CDC42BPB: variants seen among roughly 807,000 people sequenced by gnomAD.
The protein encoded by CDC42BPB is CDC42 binding protein kinase beta, also known as serine/threonine-protein kinase MRCK beta.
In CDC42BPB, 37 loss-of-function variants were observed where a neutral mutation model predicts 214.9. The observed-to-expected ratio is 0.17, with a 90% CI of 0.13 to 0.23. The LOEUF (loss-of-function observed/expected upper bound fraction) is 0.23, where lower values mean the gene tolerates loss of function less well. Among genes scored for constraint, CDC42BPB ranks in the 10% least tolerant of loss-of-function variants. CDC42BPB has a pLI of 1.00. For synonymous variants in CDC42BPB, 931 were observed against 884.0 expected (o/e 1.05, Z -0.94); for missense variants, 1,694 against 2,227.0 (o/e 0.76, Z 4.82).
rs771002504 is a variant in CDC42BPB at position 102,976,091 on chromosome 14, T to G, written c.1221-42A>C. The G allele has an allele frequency of 4.4e-6, 7 of 1,597,132 alleles. No homozygotes were observed. The Admixed American group carries it at 1.0e-4, about 24-fold the overall frequency. Reference sequence around the variant, plus strand: ...CAGGTTTTTTTGATCTACTGAAAATTTAGCGATTTCATTAGCATTTTCAAT... The same window carrying G: ...CAGGTTTTTTTGATCTACTGAAAATGTAGCGATTTCATTAGCATTTTCAAT... On this transcript the variant is annotated intron_variant, in intron 9 of 36. Transcript: ENST00000361246.
At chr14:102,948,063 G>GC in intron 26 of CDC42BPB, 1 of 698,642 alleles carries the variant, frequency 1.4e-6, no homozygotes. Flanking sequence ...TCCAGACTAT[G>GC]CCAGTTACAG....
chr14:103,041,842 T>C, intron 1 of CDC42BPB: 2 of 396,382 alleles, frequency 5.0e-6, no homozygotes, highest in Non-Finnish European at 9.8e-6. Context: ...CCTCACCCTC[T>C]ACCCCAGGAA....
At chr14:103,011,955 G>T in intron 2 of CDC42BPB, 142 bp downstream of exon 2, 1 of 669,390 alleles carries the variant, frequency 1.5e-6, no homozygotes, top group Non-Finnish European at 2.7e-6. Context: ...ATCTTAGAAA[G>T]AGAGAGAGGA....
chr14:103,056,986 G>A lies in CDC42BPB; in HGVS notation c.175+13C>T, dbSNP rs963859837. ...GCAGAGCCGCAGGTCCGGCCCTGCC[G>A]GCGCGCACTTACCCCACTCGAGGAA... is the stretch of plus-strand genomic sequence containing the variant. On this transcript the variant is annotated intron_variant, in intron 1 of 36. Transcript: ENST00000361246. 1.4e-6 allele frequency: 2 copies of A among 1,413,720 alleles called. No homozygotes were observed. The highest frequency in any genetic ancestry group is 9.2e-7 in the Non-Finnish European group (1 of 1,081,148). 87.6% of individuals were successfully genotyped at this position (1,413,720 alleles called of 1,614,324 possible).
intron 1 of CDC42BPB, among the ~76,000 whole-genome samples, chr14:103,027,809 A>T (rs1275534381): frequency 6.6e-6 from 1 of 152,218 alleles, no homozygotes; most frequent in African/African-American, 2.4e-5. Flanking sequence ...AAATGTGTGA[A>T]TAGAGTAAGA....
intron 36 of CDC42BPB, among the ~76,000 whole-genome samples, chr14:102,936,468 G>A (rs552016784): frequency 4.6e-5 from 7 of 152,254 alleles, no homozygotes; most frequent in Non-Finnish European, 7.4e-5. Flanking sequence ...CCACAAAACA[G>A]TATGCCAGGT....
chr14:103,054,687 CTTCT>C (rs780558854), intron 1 of CDC42BPB, among the ~76,000 whole-genome samples: 34 of 152,312 alleles, frequency 2.2e-4, no homozygotes, highest in Admixed American at 6.5e-4. Flanking sequence ...AAAACACCAC[CTTCT>C]AAGTCCATTC....
Position 102,960,031 on chromosome 14 carries a change from A to G in CDC42BPB, c.2822-321T>C, listed in dbSNP as rs561700171. Reference sequence around the variant, plus strand: ...AGACCAGCCTGGCCAACATGGTGAAATCCCATCTCTGCTAAAAATACAAAA... The same window carrying G: ...AGACCAGCCTGGCCAACATGGTGAAGTCCCATCTCTGCTAAAAATACAAAA... On this transcript the variant is annotated intron_variant, in intron 20 of 36. Transcript: ENST00000361246. Among the ~76,000 whole-genome samples, 3 of 152,022 alleles carry G rather than the reference A, an allele frequency of 2.0e-5. No individual in the cohort carries two copies. The South Asian group carries it at 6.3e-4, about 32-fold the overall frequency.
At chr14:103,014,110 A>G (rs1055598537) in intron 1 of CDC42BPB, among the ~76,000 whole-genome samples, 9 of 151,448 alleles carry the variant, frequency 5.9e-5, no homozygotes, top group East Asian at 2.0e-4. Flanking sequence ...AGCTTGCAGT[A>G]AGCCGAGATC....
At chr14:103,029,717 T>A (rs1296722625) in intron 1 of CDC42BPB, among the ~76,000 whole-genome samples, 1 of 145,594 alleles carries the variant, frequency 6.9e-6, no homozygotes, top group Admixed American at 6.8e-5. Flanking sequence ...AAATTAGCTG[T>A]GTGTGGTGGT....
At chr14:102,981,792 G>A (rs924592412) in intron 7 of CDC42BPB, among the ~76,000 whole-genome samples, 7 of 152,072 alleles carry the variant, frequency 4.6e-5, no homozygotes, top group African/African-American at 1.7e-4. Flanking sequence ...CAAAAAAGAT[G>A]GGGCACAAAG....
intron 20 of CDC42BPB, among the ~76,000 whole-genome samples, chr14:102,960,777 A>T (rs1464615507): frequency 1.3e-5 from 2 of 152,234 alleles, no homozygotes; most frequent in East Asian, 3.8e-4. Flanking sequence ...CTGGTATTGG[A>T]CAACCAGCTA....
At chr14:103,042,632 G>A (rs939479461) in intron 1 of CDC42BPB, among the ~76,000 whole-genome samples, 2 of 152,150 alleles carry the variant, frequency 1.3e-5, no homozygotes, top group African/African-American at 2.4e-5. Context: ...TTTTTTAAAT[G>A]AGTAAAGAAC....
chr14:102,935,539 C>T (rs920398709), intron 36 of CDC42BPB, among the ~76,000 whole-genome samples: 3 of 152,106 alleles, frequency 2.0e-5, no homozygotes, highest in African/African-American at 7.2e-5. Context: ...CCTGTAATCC[C>T]AGCACTTTGG....
Position 102,944,675 on chromosome 14 carries a change from C to A in CDC42BPB, c.3812-188G>T. The A allele has an allele frequency of 2.0e-6, 2 of 985,360 alleles. No individual in the cohort carries two copies. Among genetic ancestry groups the A allele is most frequent in the Non-Finnish European group, 2.4e-6 (2 of 829,884 alleles). The allele number at this position is 985,360 out of a possible 1,614,324, so 61.0% of individuals were successfully genotyped here. ...CAGAGCCAGTGGCTTGAACGCCCCCCGGAGAAGCTGCCCCACATCCACAGC... is the reference window on the plus strand; with the variant it reads ...CAGAGCCAGTGGCTTGAACGCCCCCAGGAGAAGCTGCCCCACATCCACAGC... On this transcript the variant is annotated intron_variant, in intron 29 of 36. Coordinates refer to ENST00000361246, the MANE Select transcript of CDC42BPB (RefSeq NM_006035.4). This position sits in a 1 kb window ranked among gnomAD's most constrained non-coding sequence, Gnocchi z 6.6.
In CDC42BPB at chr14:103,043,516, G is replaced by C. The variant is rs530689910; in HGVS notation, c.175+13483C>G. On this transcript the variant is annotated intron_variant, in intron 1 of 36. Coordinates refer to ENST00000361246, the MANE Select transcript of CDC42BPB (RefSeq NM_006035.4). ...ATTTGTGGTTGCTCAGGGCTGGGGTGGGGGTAGAGTTGGGGATAATAGCTA... is the reference window on the plus strand; with the variant it reads ...ATTTGTGGTTGCTCAGGGCTGGGGTCGGGGTAGAGTTGGGGATAATAGCTA... Among the ~76,000 whole-genome samples, 9 of 152,106 alleles carry C rather than the reference G, an allele frequency of 5.9e-5. No homozygotes were observed. The South Asian group carries it at 1.2e-3, about 21-fold the overall frequency.
chr14:102,977,339 CAAAA>C lies in CDC42BPB; in HGVS notation c.1220+783_1220+786del, dbSNP rs56368090. Among the ~76,000 whole-genome samples the C allele has an allele frequency of 6.2e-3, 529 of 85,080 alleles. 3 individuals are homozygous for C. The highest frequency in any genetic ancestry group is 0.021 in the African/African-American group (508 of 23,712). 55.8% of individuals were successfully genotyped at this position (85,080 alleles called of 152,430 possible). On this transcript the variant is annotated intron_variant, in intron 9 of 36. Transcript: ENST00000361246. The stretch of plus-strand genomic sequence containing the variant: ...GGGCGACAGAGCGAGACTCCGTCTC[CAAAA>C]AAAAAAAAAAAAAAAAAAGAAGCAT...
At chr14:102,985,773 T>C (rs1274135668) in intron 6 of CDC42BPB, among the ~76,000 whole-genome samples, 1 of 152,228 alleles carries the variant, frequency 6.6e-6, no homozygotes, top group African/African-American at 2.4e-5. Flanking sequence ...TCCAAACATG[T>C]AAGAACAAAA....
At position 103,004,896 on chromosome 14, in the gene CDC42BPB, G is replaced by A. The variant is rs565153464; in HGVS notation, c.352-873C>T. Among the ~76,000 whole-genome samples, 8 of 151,882 alleles carry A rather than the reference G, an allele frequency of 5.3e-5. No homozygotes were observed. The highest frequency in any genetic ancestry group is 2.1e-4 in the South Asian group (1 of 4,776). On this transcript the variant is annotated intron_variant, in intron 3 of 36. Coordinates refer to ENST00000361246, the MANE Select transcript of CDC42BPB (RefSeq NM_006035.4). This position sits in a 1 kb window ranked among gnomAD's most constrained non-coding sequence, Gnocchi z 5.3. Reference sequence around the variant, plus strand: ...AAAGAAAAAAAAAATGGCTGGTCACGGTGGCCCACACCTGTGGTCCCAGCA... The same window carrying A: ...AAAGAAAAAAAAAATGGCTGGTCACAGTGGCCCACACCTGTGGTCCCAGCA...
Sources: allele counts gnomAD v4.1 joint callset (sites outside exome capture counted in the v4.1 genomes callset), GRCh38; gene constraint gnomAD v4.1.1; non-coding constraint Gnocchi (gnomAD v3.1); transcripts MANE v1.5; gene names NCBI Gene and HGNC (gene_info 2026-07-23, HGNC 2026-07-21).